RAB3C: variants seen among roughly 807,000 people sequenced by gnomAD.
The protein encoded by RAB3C is RAB3C, member RAS oncogene family, also known as ras-related protein Rab-3C.
In RAB3C, 17 loss-of-function variants were observed where a neutral mutation model predicts 26.4. That is an observed-to-expected ratio of 0.64 (90% CI 0.44 to 0.97). The LOEUF (loss-of-function observed/expected upper bound fraction) is 0.97. RAB3C is among the 50% of genes least tolerant of loss of function. RAB3C has a pLI of 0.00. For synonymous variants in RAB3C, 91 were observed against 95.9 expected, an observed-to-expected ratio of 0.95 and a Z score of 0.30; for missense variants, 242 against 281.9, an observed-to-expected ratio of 0.86 and a Z score of 1.01.
chr5:58,657,981 G>A (rs572501261), intron 2 of RAB3C, among the ~76,000 whole-genome samples: 103 of 152,240 alleles, frequency 6.8e-4, no homozygotes, highest in Non-Finnish European at 1.1e-3. Flanking sequence ...AATTAGCTAC[G>A]TTTTTATCTC....
intron 3 of RAB3C, among the ~76,000 whole-genome samples, chr5:58,731,769 G>T (rs969573909): frequency 2.0e-5 from 3 of 152,138 alleles, no homozygotes; most frequent in Non-Finnish European, 2.9e-5. Flanking sequence ...TCTTCTATTG[G>T]TCCAATGTTC....
intron 3 of RAB3C, among the ~76,000 whole-genome samples, chr5:58,809,984 T>C (rs567175950): frequency 4.6e-5 from 7 of 152,362 alleles, no homozygotes; most frequent in South Asian, 4.1e-4. Flanking sequence ...TTGTGGCAGA[T>C]GAAGCTTGCA....
intron 3 of RAB3C, among the ~76,000 whole-genome samples, chr5:58,798,339 G>T (rs2112023814): frequency 6.6e-6 from 1 of 152,282 alleles, no homozygotes; most frequent in Non-Finnish European, 1.5e-5. Flanking sequence ...GAAAAATCTA[G>T]CTGATGATAT....
intron 4 of RAB3C, among the ~76,000 whole-genome samples, chr5:58,828,168 G>A (rs1473669559): frequency 1.3e-5 from 2 of 152,212 alleles, no homozygotes; most frequent in African/African-American, 2.4e-5. Flanking sequence ...CATTTATTAA[G>A]TGTTTACAAT....
chr5:58,812,668 T>C (rs1743118934), intron 3 of RAB3C, among the ~76,000 whole-genome samples: 1 of 152,230 alleles, frequency 6.6e-6, no homozygotes, highest in African/African-American at 2.4e-5. Context: ...GCTTTTGTTT[T>C]TGTTTTCCAC....
intron 3 of RAB3C, among the ~76,000 whole-genome samples, chr5:58,796,258 A>G (rs1742647563): frequency 1.3e-5 from 2 of 152,226 alleles, no homozygotes; most frequent in Non-Finnish European, 2.9e-5. Flanking sequence ...TCTTTGAAGA[A>G]AGTGTTACAC....
At chr5:58,697,728 C>T (rs753256521) in intron 2 of RAB3C, among the ~76,000 whole-genome samples, 61 of 151,866 alleles carry the variant, frequency 4.0e-4, no homozygotes, top group Non-Finnish European at 6.3e-4. Flanking sequence ...CTGTTTTATC[C>T]GAGACTAGGA....
At chr5:58,812,723 A>T (rs1743119709) in intron 3 of RAB3C, among the ~76,000 whole-genome samples, 1 of 152,232 alleles carries the variant, frequency 6.6e-6, no homozygotes. Context: ...AAGGAAAATC[A>T]CAGTGAGTGT....
At chr5:58,714,649 A>T (rs930035162) in intron 2 of RAB3C, among the ~76,000 whole-genome samples, 2 of 152,128 alleles carry the variant, frequency 1.3e-5, no homozygotes, top group African/African-American at 4.8e-5. Context: ...ATGATTTATG[A>T]TAGGAATGGA....
At position 58,852,034 on chromosome 5, in the gene RAB3C, C is replaced by T. The variant is rs578076523; in HGVS notation, c.*683C>T. 5 of 152,192 alleles carry T rather than the reference C, an allele frequency of 3.3e-5. No homozygotes were observed. Among genetic ancestry groups the T allele is most frequent in the East Asian group, 3.9e-4 (2 of 5,182 alleles). 9.4% of individuals were successfully genotyped at this position (152,192 alleles called of 1,614,324 possible). ...ACTGGGGCTATTTAACAATAATCTTCGTTTACACATTTAAATAAGCAAGTA... is the reference window on the plus strand; with the variant it reads ...ACTGGGGCTATTTAACAATAATCTTTGTTTACACATTTAAATAAGCAAGTA... On this transcript the variant is annotated 3_prime_UTR_variant, in exon 5 of 5. Coordinates refer to ENST00000282878, the MANE Select transcript of RAB3C (RefSeq NM_138453.4).
At chr5:58,592,377 G>C (rs1398302129) in intron 1 of RAB3C, among the ~76,000 whole-genome samples, 1 of 151,978 alleles carries the variant, frequency 6.6e-6, no homozygotes, top group Non-Finnish European at 1.5e-5. Context: ...TTGTGAAATT[G>C]TTGTCATATG....
chr5:58,682,445 G>C (rs1390934644), intron 2 of RAB3C, among the ~76,000 whole-genome samples: 1 of 152,142 alleles, frequency 6.6e-6, no homozygotes, highest in African/African-American at 2.4e-5. Flanking sequence ...AGCACTTTGG[G>C]AGGCTGAGGC....
intron 3 of RAB3C, among the ~76,000 whole-genome samples, chr5:58,730,216 A>G (rs960951622): frequency 6.6e-6 from 1 of 151,648 alleles, no homozygotes; most frequent in Non-Finnish European, 1.5e-5. Context: ...ATTTATCTGT[A>G]TTTCCTTTTT....
chr5:58,622,613 CAG>C (rs1174599078), intron 2 of RAB3C, among the ~76,000 whole-genome samples: 1 of 152,140 alleles, frequency 6.6e-6, no homozygotes, highest in Non-Finnish European at 1.5e-5. Flanking sequence ...AAAGATCTGA[CAG>C]ATTTTCTGGC....
intron 4 of RAB3C, among the ~76,000 whole-genome samples, chr5:58,829,192 G>C (rs2102779): frequency 0.61 from 92,512 of 151,912 alleles, 28,470 homozygotes; most frequent in Middle Eastern, 0.74. Flanking sequence ...TGTGAGCCAT[G>C]GCACCCGGCC....
At chr5:58,786,784 T>A (rs1213447989) in intron 3 of RAB3C, among the ~76,000 whole-genome samples, 1 of 151,322 alleles carries the variant, frequency 6.6e-6, no homozygotes, top group Non-Finnish European at 1.5e-5. Context: ...AAAAAAAAAA[T>A]CTACTTATGT....
chr5:58,691,028 T>G (rs1748559696), intron 2 of RAB3C, among the ~76,000 whole-genome samples: 2 of 152,260 alleles, frequency 1.3e-5, no homozygotes, highest in South Asian at 4.1e-4. Context: ...TTGTATGTGC[T>G]TATTACTAAG....
intron 1 of RAB3C, among the ~76,000 whole-genome samples, chr5:58,617,235 A>G (rs1056265273): frequency 7.2e-5 from 11 of 152,180 alleles, no homozygotes; most frequent in Non-Finnish European, 1.3e-4. Flanking sequence ...AATCATTCAG[A>G]TAATTCAGGA....
chr5:58,583,700 AGGCTCCT>A (rs1745955390), intron 1 of RAB3C, among the ~76,000 whole-genome samples: 1 of 152,178 alleles, frequency 6.6e-6, no homozygotes, highest in Admixed American at 6.5e-5. Flanking sequence ...AGCCAATGTT[AGGCTCCT>A]CAAAGTCCCC....
Sources: gnomAD v4.1 joint callset for allele counts (sites outside exome capture counted in the v4.1 genomes callset) on GRCh38, gnomAD v4.1.1 for gene constraint, MANE v1.5 for transcripts, NCBI Gene and HGNC (gene_info 2026-07-23, HGNC 2026-07-21) for gene names.